The following CUX1 variants were observed in gnomAD, a reference collection of about 807,000 sequenced individuals.
CUX1 encodes protein CASP.
CUX1 carries 31 observed loss-of-function variants against 158.8 expected under a neutral mutation model. The observed-to-expected ratio is 0.20, with a 90% CI of 0.15 to 0.26. The LOEUF is 0.26. Among genes scored for constraint, CUX1 ranks in the 10% least tolerant of loss-of-function variants. The probability of loss-of-function intolerance (pLI) is 1.00; values close to 1 mark genes in which losing one functional copy is unlikely to be tolerated. For missense variants in CUX1, 1,589 were observed against 2,014.6 expected, an observed-to-expected ratio of 0.79 and a Z score of 4.04; for synonymous variants, 879 against 862.1, an observed-to-expected ratio of 1.02 and a Z score of -0.34.
At chr7:101,891,163 A>G (rs1186489850) in intron 1 of CUX1, among the ~76,000 whole-genome samples, 3 of 152,156 alleles carry the variant, frequency 2.0e-5, no homozygotes, top group African/African-American at 7.2e-5. Context: ...ACTCTAATTC[A>G]GTGAAGTTGG....
chr7:102,038,675 G>A (rs1381653044), intron 3 of CUX1, among the ~76,000 whole-genome samples: 2 of 152,182 alleles, frequency 1.3e-5, no homozygotes, highest in Admixed American at 6.5e-5. Context: ...CAAGCATGGC[G>A]GGTGCGGTGG....
chr7:101,911,680 T>C (rs1181127339), intron 1 of CUX1, among the ~76,000 whole-genome samples: 1 of 152,282 alleles, frequency 6.6e-6, no homozygotes, highest in East Asian at 1.9e-4. Context: ...GAAGCTCTTC[T>C]GTGCAAGGGT....
intron 1 of CUX1, among the ~76,000 whole-genome samples, chr7:101,902,480 A>G (rs544886354): frequency 6.6e-6 from 1 of 152,296 alleles, no homozygotes; most frequent in East Asian, 1.9e-4. Flanking sequence ...GGAGGGAACA[A>G]ATTTTAAATT....
At chr7:102,267,516 G>A (rs531671532) in intron 14 of CUX1, among the ~76,000 whole-genome samples, 1 of 152,192 alleles carries the variant, frequency 6.6e-6, no homozygotes, top group South Asian at 2.1e-4. Context: ...CCTGGGTGAC[G>A]AGTGAAACTC....
intron 5 of CUX1, 33 bp downstream of exon 5, chr7:102,097,534 TTCTTCTTTTTTTTC>T (rs1829326402): frequency 6.7e-7 from 1 of 1,502,618 alleles, no homozygotes; most frequent in Non-Finnish European, 8.8e-7. Context: ...GCTTTTTCTT[TTCTTCTTTTTTTTC>T]TCTTCTTTTT....
intron 21 of CUX1, among the ~76,000 whole-genome samples, chr7:102,231,903 C>T (rs943443355): frequency 1.3e-5 from 2 of 151,720 alleles, no homozygotes; most frequent in East Asian, 1.9e-4. Flanking sequence ...TTAGTAGAGA[C>T]GGGGTTTTAC....
At chr7:102,242,008 C>T (rs1800274067) in intron 23 of CUX1, among the ~76,000 whole-genome samples, 1 of 152,178 alleles carries the variant, frequency 6.6e-6, no homozygotes, top group African/African-American at 2.4e-5. Context: ...CCAGTTTCTT[C>T]ATTCCAAATT....
chr7:102,188,211 A>G (rs1655068373), intron 11 of CUX1, among the ~76,000 whole-genome samples: 1 of 151,762 alleles, frequency 6.6e-6, no homozygotes, highest in Non-Finnish European at 1.5e-5. Flanking sequence ...TTTTAAAAAA[A>G]AAAAGAAGAA....
At chr7:102,043,806 C>A (rs2129830117) in intron 3 of CUX1, among the ~76,000 whole-genome samples, 1 of 152,284 alleles carries the variant, frequency 6.6e-6, no homozygotes, top group African/African-American at 2.4e-5. Context: ...TACCAATTTA[C>A]ATTCCCACCA....
chr7:102,139,771 C>T (rs1159901136), intron 8 of CUX1, among the ~76,000 whole-genome samples: 1 of 152,166 alleles, frequency 6.6e-6, no homozygotes, highest in East Asian at 1.9e-4. Context: ...CCTGCCTCAC[C>T]CCCTTAAGTG....
chr7:102,205,644 A>G (rs1463844848), intron 20 of CUX1, among the ~76,000 whole-genome samples: 2 of 152,192 alleles, frequency 1.3e-5, no homozygotes, highest in African/African-American at 4.8e-5. Context: ...GGAAATGGCC[A>G]GGAAGCCCCT....
chr7:102,076,551 G>A (rs183018525), intron 4 of CUX1, among the ~76,000 whole-genome samples: 4 of 151,754 alleles, frequency 2.6e-5, no homozygotes, highest in African/African-American at 7.3e-5. Context: ...AGTCAGTTTC[G>A]CGAGTACTAT....
Position 102,251,634 on chromosome 7 carries a change from G to A in CUX1, c.*2592G>A, listed in dbSNP as rs1434996393. ...ACGGGTCAACATCTAGCTCGATTCA[G>A]GTGCATTGAGAAGAGTGAGTTCACA... On this transcript the variant is annotated 3_prime_UTR_variant, in exon 24 of 24. Coordinates refer to ENST00000292535, the MANE Select transcript of CUX1 (RefSeq NM_181552.4). 1 of 985,296 alleles carries A rather than the reference G, an allele frequency of 1.0e-6. No individual in the cohort carries two copies. The highest frequency in any genetic ancestry group is 1.1e-4 in the East Asian group (1 of 8,828). The allele number at this position is 985,296 out of a possible 1,614,324, so 61.0% of individuals were successfully genotyped here. A position where few individuals can be genotyped will look rare whatever the true frequency, so the allele number is the denominator to read the frequency against.
chr7:101,817,604 G>T (rs1325001790), upstream of CUX1: 4 of 1,535,812 alleles, frequency 2.6e-6, no homozygotes, highest in East Asian at 5.0e-5. The surrounding 1 kb of genome is among the most constrained non-coding windows in gnomAD (Gnocchi z 4.1). Flanking sequence ...CTCGGCGCCC[G>T]CGGCGCCGGG....
chr7:102,194,190 T>C, intron 13 of CUX1: 1 of 409,992 alleles, frequency 2.4e-6, no homozygotes, highest in Non-Finnish European at 4.4e-6. Context: ...CAAATTATCT[T>C]TAACAAAAAG....
intron 2 of CUX1, among the ~76,000 whole-genome samples, chr7:101,996,344 G>T (rs1815888053): frequency 6.6e-6 from 1 of 151,298 alleles, no homozygotes; most frequent in Admixed American, 6.6e-5. Flanking sequence ...CCCGTCTCTT[G>T]AGCTCAGCTG....
intron 22 of CUX1, among the ~76,000 whole-genome samples, chr7:102,238,292 C>T (rs145618496): frequency 0.017 from 2,609 of 152,238 alleles, 66 homozygotes; most frequent in African/African-American, 0.06. Context: ...GACCACGGTC[C>T]GCCTGGCAAC....
intron 1 of CUX1, among the ~76,000 whole-genome samples, chr7:101,851,526 C>T (rs567940231): frequency 1.3e-5 from 2 of 152,280 alleles, no homozygotes; most frequent in Admixed American, 6.5e-5. Context: ...ATCTGCGATC[C>T]GACAAGATCT....
intron 4 of CUX1, among the ~76,000 whole-genome samples, chr7:102,093,156 G>A (rs1415070624): frequency 9.8e-6 from 1 of 101,974 alleles, no homozygotes; most frequent in South Asian, 2.9e-4. Context: ...GAAAACAGAA[G>A]CTTTTTTTTT....
Sources: gnomAD v4.1 joint callset for allele counts (sites outside exome capture counted in the v4.1 genomes callset) on GRCh38, gnomAD v4.1.1 for gene constraint, Gnocchi (gnomAD v3.1) non-coding constraint, MANE v1.5 for transcripts, NCBI Gene and HGNC (gene_info 2026-07-23, HGNC 2026-07-21) for gene names.